The following CTNNA2 variants were observed in gnomAD, a reference collection of about 807,000 sequenced individuals.
CTNNA2 encodes catenin alpha 2, also known as catenin alpha-2.
Under a neutral mutation model 101.0 loss-of-function variants are expected in CTNNA2, and 42 were observed. The ratio of observed to expected loss-of-function variants is 0.42; its 90% CI spans 0.32 to 0.54. The LOEUF is 0.54. Among genes scored for constraint, CTNNA2 ranks in the 20% least tolerant of loss-of-function variants. CTNNA2 has a pLI of 0.14. For missense variants in CTNNA2, 871 were observed against 1,223.1 expected (o/e 0.71, Z 4.29); for synonymous variants, 450 against 456.4 (o/e 0.99, Z 0.18).
At chr2:80,110,119 C>A (rs1701125976) in intron 7 of CTNNA2, among the ~76,000 whole-genome samples, 1 of 152,058 alleles carries the variant, frequency 6.6e-6, no homozygotes, top group South Asian at 2.1e-4. Context: ...TTTGTTAATG[C>A]ACACGACGGT....
chr2:80,601,424 T>TC (rs1242644473), intron 15 of CTNNA2, among the ~76,000 whole-genome samples: 14 of 145,816 alleles, frequency 9.6e-5, no homozygotes, highest in East Asian at 4.1e-4. Context: ...TTTCTTTCTT[T>TC]TTTTTTTTTT....
At chr2:79,287,788 TC>T (rs1196933281) in intron 2 of CTNNA2, among the ~76,000 whole-genome samples, 1 of 152,162 alleles carries the variant, frequency 6.6e-6, no homozygotes, top group African/African-American at 2.4e-5. Context: ...AGTTCCAGCT[TC>T]CCGGCTGCTT....
At chr2:80,402,268 C>G (rs1207039678) in intron 8 of CTNNA2, among the ~76,000 whole-genome samples, 2 of 152,198 alleles carry the variant, frequency 1.3e-5, no homozygotes, top group African/African-American at 4.8e-5. Flanking sequence ...CCTGTACTTC[C>G]ATTTTTTCAG....
intron 7 of CTNNA2, among the ~76,000 whole-genome samples, chr2:80,294,945 G>C (rs1391184987): frequency 6.6e-6 from 1 of 152,206 alleles, no homozygotes; most frequent in Non-Finnish European, 1.5e-5. Flanking sequence ...GGATTGAGGA[G>C]TCAGTGTAAT....
intron 2 of CTNNA2, among the ~76,000 whole-genome samples, chr2:79,206,130 G>A (rs944046094): frequency 2.6e-5 from 4 of 152,094 alleles, no homozygotes; most frequent in Non-Finnish European, 4.4e-5. Context: ...CCAAATGACT[G>A]TGTACTTTAT....
At chr2:80,300,963 G>T (rs530801701) in intron 7 of CTNNA2, among the ~76,000 whole-genome samples, 1 of 151,818 alleles carries the variant, frequency 6.6e-6, no homozygotes, top group Admixed American at 6.6e-5. Context: ...AAAAAAAAAG[G>T]GAAAGCAAGC....
chr2:80,595,283 G>A (rs1326895022), intron 15 of CTNNA2, among the ~76,000 whole-genome samples: 1 of 139,786 alleles, frequency 7.2e-6, no homozygotes, highest in East Asian at 2.0e-4. Flanking sequence ...TTTTCTTTTA[G>A]GATTTTTTTA....
intron 7 of CTNNA2, among the ~76,000 whole-genome samples, chr2:80,046,056 C>T (rs996202927): frequency 6.6e-6 from 1 of 152,164 alleles, no homozygotes; most frequent in Non-Finnish European, 1.5e-5. Context: ...CCACTGCTTC[C>T]CCAAGGCAGC....
intron 7 of CTNNA2, among the ~76,000 whole-genome samples, chr2:80,102,113 A>G (rs967291715): frequency 6.6e-6 from 1 of 152,204 alleles, no homozygotes; most frequent in Non-Finnish European, 1.5e-5. Flanking sequence ...TCTCTCTGAC[A>G]GTACCTAGTG....
chr2:80,633,198 T>G (rs549636376), intron 18 of CTNNA2, among the ~76,000 whole-genome samples: 6 of 152,322 alleles, frequency 3.9e-5, no homozygotes, highest in Non-Finnish European at 8.8e-5. Flanking sequence ...GCATGACACA[T>G]TAAAAGATTA....
intron 1 of CTNNA2, among the ~76,000 whole-genome samples, chr2:79,603,584 T>C (rs1573454836): frequency 1.3e-5 from 2 of 152,160 alleles, no homozygotes; most frequent in Non-Finnish European, 2.9e-5. Context: ...GCCAAAGCTC[T>C]GAATACCCCG....
At chr2:79,546,083 G>T (rs1241719332) in intron 1 of CTNNA2, among the ~76,000 whole-genome samples, 1 of 152,110 alleles carries the variant, frequency 6.6e-6, no homozygotes, top group Non-Finnish European at 1.5e-5. Context: ...TCTAGTTGCT[G>T]TTCTTAACCA....
At chr2:79,443,931 TCTCTCTC>T in intron 4 of CTNNA2, among the ~76,000 whole-genome samples, 1 of 150,942 alleles carries the variant, frequency 6.6e-6, no homozygotes, top group Non-Finnish European at 1.5e-5. Context: ...TCTCTCTCTC[TCTCTCTC>T]TCTGGCCTTC....
chr2:80,205,028 C>T (rs1476280121), intron 7 of CTNNA2, among the ~76,000 whole-genome samples: 1 of 152,048 alleles, frequency 6.6e-6, no homozygotes, highest in East Asian at 1.9e-4. Context: ...ATGAGAAAGA[C>T]CTGCCCCCAT....
intron 4 of CTNNA2, among the ~76,000 whole-genome samples, chr2:79,466,887 C>G (rs1207509460): frequency 6.6e-6 from 1 of 152,208 alleles, no homozygotes; most frequent in African/African-American, 2.4e-5. Flanking sequence ...ACGACACCAT[C>G]ATCAAGGACC....
At chr2:79,837,604 AT>A (rs568238354) in intron 3 of CTNNA2, among the ~76,000 whole-genome samples, 2 of 150,214 alleles carry the variant, frequency 1.3e-5, no homozygotes, top group Non-Finnish European at 1.5e-5. Flanking sequence ...GCAATCGTTG[AT>A]TTTTTTTTTC....
intron 3 of CTNNA2, among the ~76,000 whole-genome samples, chr2:79,750,212 C>A (rs530534901): frequency 1.3e-5 from 2 of 152,176 alleles, no homozygotes; most frequent in Non-Finnish European, 2.9e-5. Flanking sequence ...GTGTTTACCA[C>A]GAAGATTTTT....
chr2:80,521,873 ATAAC>A (rs1553541023), intron 9 of CTNNA2, among the ~76,000 whole-genome samples: 1 of 152,240 alleles, frequency 6.6e-6, no homozygotes, highest in Non-Finnish European at 1.5e-5. Flanking sequence ...AACACACTAA[ATAAC>A]TAAATCAAAA....
At chr2:80,276,062 T>C (rs946683477) in intron 7 of CTNNA2, among the ~76,000 whole-genome samples, 1 of 152,202 alleles carries the variant, frequency 6.6e-6, no homozygotes, top group Non-Finnish European at 1.5e-5. Context: ...AGAAAGCTAC[T>C]CTAAGTGCAT....
Sources: allele counts gnomAD v4.1 joint callset (sites outside exome capture counted in the v4.1 genomes callset), GRCh38; gene constraint gnomAD v4.1.1; transcripts MANE v1.5; gene names NCBI Gene and HGNC (gene_info 2026-07-23, HGNC 2026-07-21).